Variants in MIA2 observed in about 807,000 individuals in gnomAD.
MIA2 encodes melanoma inhibitory activity protein 2.
A neutral mutation model predicts 167.8 loss-of-function variants in MIA2; 127 were observed. The ratio of observed to expected loss-of-function variants is 0.76; its 90% confidence interval spans 0.66 to 0.88. The LOEUF (loss-of-function observed/expected upper bound fraction) is 0.88. Among genes scored for constraint, MIA2 ranks in the 40% least tolerant of loss-of-function variants. The probability of loss-of-function intolerance (pLI) is 0.00; values close to 1 mark genes in which losing one functional copy is unlikely to be tolerated. For missense variants in MIA2, 1,690 were observed against 1,624.7 expected, an observed-to-expected ratio of 1.04 and a Z score of -0.69; for synonymous variants, 552 against 541.9, an observed-to-expected ratio of 1.02 and a Z score of -0.26.
chr14:39,237,781 C>A (rs1157051757), intron 2 of MIA2, among the ~76,000 whole-genome samples: 1 of 152,116 alleles, frequency 6.6e-6, no homozygotes, highest in Admixed American at 6.5e-5. Flanking sequence ...CTCTTGTTGC[C>A]CAGGCTGGAG....
chr14:39,312,808 T>A (rs902955413), intron 18 of MIA2, among the ~76,000 whole-genome samples: 1 of 152,100 alleles, frequency 6.6e-6, no homozygotes, highest in East Asian at 1.9e-4. Context: ...AAGTTATCTA[T>A]TATTATTATT....
chr14:39,313,402 A>G lies in MIA2; in HGVS notation c.3080A>G (p.Glu1027Gly). Residue 1027 changes from glutamate to glycine, a missense_variant, in exon 19 of 29, where the codon GAA becomes GGA. Coordinates refer to ENST00000640607, the MANE Select transcript of MIA2 (RefSeq NM_001329214.4). ...EKEEKLSKVDEKISHATEELE... is the reference protein window; with the variant it reads ...EKEEKLSKVDGKISHATEELE... ...GAAGAGAAACTTTCTAAAGTAGATG[A>G]AAAGATCAGCCATGCCACTGAAGAG... The G allele has an allele frequency of 6.2e-7, 1 of 1,604,424 alleles. No individual in the cohort carries two copies. Among genetic ancestry groups the G allele is most frequent in the African/African-American group, 1.3e-5 (1 of 74,634 alleles).
chr14:39,269,499 CAG>C (rs1038638961), intron 6 of MIA2, among the ~76,000 whole-genome samples: 5 of 151,818 alleles, frequency 3.3e-5, no homozygotes, highest in Non-Finnish European at 5.9e-5. Context: ...TAGCATGTAA[CAG>C]AGCTTCATTT....
chr14:39,292,701 T>C (rs761238576), intron 10 of MIA2: 2 of 317,940 alleles, frequency 6.3e-6, no homozygotes, highest in South Asian at 5.0e-5. Context: ...ATCACAAATA[T>C]CAGAGGTATG....
At chr14:39,383,699 C>A (rs750003146) in intron 23 of MIA2, among the ~76,000 whole-genome samples, 1 of 152,182 alleles carries the variant, frequency 6.6e-6, no homozygotes, top group African/African-American at 2.4e-5. Context: ...TCATTGAACA[C>A]ATGAATGATA....
chr14:39,317,755 G>T (rs2065749274), intron 21 of MIA2, among the ~76,000 whole-genome samples, 189 bp from the exon 22 acceptor site: 2 of 152,048 alleles, frequency 1.3e-5, no homozygotes, highest in African/African-American at 4.8e-5. Flanking sequence ...TAAAGAGTGG[G>T]TATAGAAATT....
rs145486357 is a variant in MIA2 at position 39,314,783 on chromosome 14, A to G, written c.3164A>G (p.His1055Arg). Reference sequence around the variant, plus strand: ...GAAGAAGAATTGGAGAGAACTATTCATTCTTATCAAGGGCAGGTATATATA... The same window carrying G: ...GAAGAAGAATTGGAGAGAACTATTCGTTCTTATCAAGGGCAGGTATATATA... The part of the protein sequence containing the change: ...DLEEELERTI[H>R]SYQGQIISHE... The change falls in exon 20 of 29, where the codon CAT becomes CGT. Residue 1055 changes from histidine to arginine, a missense_variant. Transcript: ENST00000640607. 1.8e-4 allele frequency: 282 copies of G among 1,600,914 alleles called. No homozygotes were observed. In the African/African-American group the frequency reaches 3.4e-3, roughly 19 times the overall value.
At chr14:39,248,458 C>G (rs1487829804) in intron 4 of MIA2, among the ~76,000 whole-genome samples, 1 of 149,610 alleles carries the variant, frequency 6.7e-6, no homozygotes, top group African/African-American at 2.5e-5. Context: ...TTTTTTTTGA[C>G]AAAAGCAATT....
At chr14:39,330,433 T>A (rs2068575577) in intron 25 of MIA2, among the ~76,000 whole-genome samples, 1 of 152,320 alleles carries the variant, frequency 6.6e-6, no homozygotes, top group South Asian at 2.1e-4. Flanking sequence ...ATGGATTTTT[T>A]GAAGGGTTTT....
chr14:39,289,814 TAGC>T (rs2060483900), intron 9 of MIA2, among the ~76,000 whole-genome samples: 1 of 152,190 alleles, frequency 6.6e-6, no homozygotes, highest in Non-Finnish European at 1.5e-5. Context: ...AAAGTTAAGA[TAGC>T]AGCAAGTTTG....
At chr14:39,336,092 C>T (rs1014503083) in intron 25 of MIA2, among the ~76,000 whole-genome samples, 3 of 152,070 alleles carry the variant, frequency 2.0e-5, no homozygotes, top group Admixed American at 6.6e-5. Flanking sequence ...TTTTGTAGAA[C>T]GACTTAGTTT....
rs1323944423 is a variant in MIA2 at position 39,347,846 on chromosome 14, A to C, written c.3837+75A>C. 7 of 1,105,762 alleles carry C rather than the reference A, an allele frequency of 6.3e-6. No individual in the cohort carries two copies. In the East Asian group the frequency reaches 2.3e-4, roughly 36 times the overall value. The allele number at this position is 1,105,762 out of a possible 1,614,324, so 68.5% of individuals were successfully genotyped here. A position where few individuals can be genotyped will look rare whatever the true frequency, so the allele number is the denominator to read the frequency against. ...TTTTTTTTTTTTTTTTTTTTTATGG[A>C]GTTTCACTATTGTTGCCCAAGCTGG... On this transcript the variant is annotated intron_variant, in intron 27 of 28. Coordinates refer to ENST00000640607, the MANE Select transcript of MIA2 (RefSeq NM_001329214.4).
chr14:39,262,993 T>C (rs562413471), intron 6 of MIA2, among the ~76,000 whole-genome samples: 84 of 152,346 alleles, frequency 5.5e-4, no homozygotes, highest in African/African-American at 1.9e-3. Flanking sequence ...TTTTCCTAAC[T>C]GAATACCCTT....
rs1457380114 is a variant in MIA2, at chr14:39,247,960, T to C, written c.1386T>C (p.Tyr462=). The part of the protein sequence containing the change: ...DTIPYLKKFL[Y]NFDNPWNFQN... ...TACCATATTTGAAAAAGTTCTTGTA[T>C]AATTTTGACAACCCTTGGAACTTCC... Residue 462 remains tyrosine (Y), a synonymous_variant, in exon 4 of 29, where the codon TAT becomes TAC. Coordinates refer to ENST00000640607, the MANE Select transcript of MIA2 (RefSeq NM_001329214.4). The C allele has an allele frequency of 6.3e-7, 1 of 1,597,510 alleles. No individual in the cohort carries two copies. The highest frequency in any genetic ancestry group is 1.8e-5 in the Admixed American group (1 of 54,906).
intron 23 of MIA2, among the ~76,000 whole-genome samples, chr14:39,367,432 C>T (rs185211558): frequency 4.7e-4 from 71 of 152,282 alleles, no homozygotes; most frequent in Admixed American, 4.6e-3. Context: ...GTGTGGTACT[C>T]GGCATGAGCT....
At chr14:39,379,203 G>C (rs1385301925) in intron 23 of MIA2, among the ~76,000 whole-genome samples, 1 of 151,924 alleles carries the variant, frequency 6.6e-6, no homozygotes. Flanking sequence ...ATCTGACATG[G>C]GGCCCAGATG....
intron 21 of MIA2, 48 bp downstream of exon 21, chr14:39,315,766 T>C: frequency 8.2e-7 from 1 of 1,223,760 alleles, no homozygotes; most frequent in Non-Finnish European, 1.2e-6. Flanking sequence ...TGTATGTTTT[T>C]TTCAGAAGAT....
chr14:39,279,042 T>C (rs2058549687), intron 7 of MIA2, among the ~76,000 whole-genome samples: 2 of 150,424 alleles, frequency 1.3e-5, no homozygotes, highest in Non-Finnish European at 2.9e-5. Flanking sequence ...GCACCTGTAA[T>C]CCCAGCTACT....
chr14:39,365,746 G>C (rs181092464), intron 23 of MIA2, among the ~76,000 whole-genome samples: 1 of 151,154 alleles, frequency 6.6e-6, no homozygotes, highest in African/African-American at 2.4e-5. Flanking sequence ...TCTTTGTATT[G>C]TTCATCTGTG....
Sources: gnomAD v4.1 joint callset for allele counts (sites outside exome capture counted in the v4.1 genomes callset) on GRCh38, gnomAD v4.1.1 for gene constraint, MANE v1.5 for transcripts, NCBI Gene and HGNC (gene_info 2026-07-23, HGNC 2026-07-21) for gene names.